Variants in CACNA1E observed in about 807,000 individuals in gnomAD.
CACNA1E encodes the protein voltage-dependent R-type calcium channel subunit alpha-1E.
CACNA1E carries 40 observed loss-of-function variants against 259.2 expected under a neutral mutation model. That is an observed-to-expected ratio of 0.15 (90% confidence interval 0.12 to 0.20). The LOEUF (loss-of-function observed/expected upper bound fraction) is 0.20, where lower values mean the gene tolerates loss of function less well. Ranked by LOEUF, CACNA1E falls within the 10% of genes least tolerant of loss-of-function variation. The pLI is 1.00. For synonymous variants in CACNA1E, 1,104 were observed against 1,138.5 expected (o/e 0.97, Z 0.61); for missense variants, 1,874 against 3,040.1 (o/e 0.62, Z 9.02).
chr1:181,797,270 A>T (rs1255483620), intron 47 of CACNA1E, among the ~76,000 whole-genome samples: 1 of 152,182 alleles, frequency 6.6e-6, no homozygotes, highest in Non-Finnish European at 1.5e-5. Flanking sequence ...GTTCACCCTC[A>T]TTTACCTAGC....
rs1169777039 is a variant in CACNA1E, at chr1:181,801,290, A to G, written c.*2456A>G. 1 of 152,636 alleles carries G rather than the reference A, an allele frequency of 6.6e-6. No homozygotes were observed. The highest frequency in any genetic ancestry group is 1.5e-5 in the Non-Finnish European group (1 of 68,030). 9.5% of individuals were successfully genotyped at this position (152,636 alleles called of 1,614,324 possible). On this transcript the variant is annotated 3_prime_UTR_variant, in exon 48 of 48. Coordinates refer to ENST00000367573, the MANE Select transcript of CACNA1E (RefSeq NM_001205293.3). The stretch of plus-strand genomic sequence containing the variant: ...AGGAGAAATGCAGGCTGGCAGAGCA[A>G]TTTCCAGAAATGGAATTTGCCTGCA...
intron 1 of CACNA1E, among the ~76,000 whole-genome samples, chr1:181,391,961 G>C (rs1469458917): frequency 1.3e-5 from 2 of 151,708 alleles, no homozygotes; most frequent in East Asian, 3.9e-4. Context: ...GTGTGTGTGT[G>C]TGTGTGTGTG....
At position 181,801,033 on chromosome 1, in the gene CACNA1E, A is replaced by G. The variant is rs1213859519; in HGVS notation, c.*2199A>G. On this transcript the variant is annotated 3_prime_UTR_variant, in exon 48 of 48. Coordinates refer to ENST00000367573, the MANE Select transcript of CACNA1E (RefSeq NM_001205293.3). ...ATCCTAACAGGTGTGATTGTTACGT[A>G]AGACGCTGATACTGGGCCTTGTATT... 1 of 152,662 alleles carries G rather than the reference A, an allele frequency of 6.6e-6. No homozygotes were observed. Among genetic ancestry groups the G allele is most frequent in the Non-Finnish European group, 1.5e-5 (1 of 68,050 alleles). The allele number at this position is 152,662 out of a possible 1,614,324, so 9.5% of individuals were successfully genotyped here.
chr1:181,759,321 G>C (rs574305651), intron 32 of CACNA1E, among the ~76,000 whole-genome samples: 2 of 152,110 alleles, frequency 1.3e-5, no homozygotes, highest in African/African-American at 4.8e-5. Flanking sequence ...GTAACATGAA[G>C]AGTAATTTCT....
intron 1 of CACNA1E, among the ~76,000 whole-genome samples, chr1:181,492,604 T>C (rs1664409932): frequency 6.6e-6 from 1 of 152,214 alleles, no homozygotes. Context: ...TTAGATTTAC[T>C]GGGCAAGTTC....
intron 35 of CACNA1E, among the ~76,000 whole-genome samples, chr1:181,769,861 A>G (rs1162667927): frequency 3.3e-5 from 5 of 152,234 alleles, no homozygotes; most frequent in Admixed American, 2.0e-4. Flanking sequence ...GATAAATGTC[A>G]GTGCCCTCCT....
At chr1:181,525,029 AT>A (rs1343388780) in intron 3 of CACNA1E, among the ~76,000 whole-genome samples, 1 of 152,254 alleles carries the variant, frequency 6.6e-6, no homozygotes, top group East Asian at 1.9e-4. Context: ...TTTGCTAAGT[AT>A]TGAGGCTAGA....
At chr1:181,516,699 T>A (rs572199866) in intron 3 of CACNA1E, among the ~76,000 whole-genome samples, 2 of 152,282 alleles carry the variant, frequency 1.3e-5, no homozygotes, top group South Asian at 4.1e-4. Flanking sequence ...TGGAGAAAAG[T>A]GTGTTATCCC....
At chr1:181,602,096 C>T (rs142603128) in intron 6 of CACNA1E, among the ~76,000 whole-genome samples, 108 of 152,334 alleles carry the variant, frequency 7.1e-4, no homozygotes, top group African/African-American at 2.6e-3. Context: ...CCTCCTCCTT[C>T]CCAGTACTCT....
chr1:181,683,030 A>G (rs955606136), intron 7 of CACNA1E, among the ~76,000 whole-genome samples: 3 of 152,138 alleles, frequency 2.0e-5, no homozygotes, highest in Non-Finnish European at 4.4e-5. Context: ...TACCTTCCCC[A>G]GTTCCTTCCA....
At chr1:181,458,797 C>T (rs1236574963) in intron 2 of CACNA1E, among the ~76,000 whole-genome samples, 1 of 152,076 alleles carries the variant, frequency 6.6e-6, no homozygotes, top group African/African-American at 2.4e-5. Flanking sequence ...CTACTTTTCA[C>T]ATGATACATT....
At chr1:181,728,278 G>GACA (rs1463623164) in intron 18 of CACNA1E, among the ~76,000 whole-genome samples, 1 of 152,184 alleles carries the variant, frequency 6.6e-6, no homozygotes, top group African/African-American at 2.4e-5. Flanking sequence ...TGTGAGTTGG[G>GACA]ACAACGCTTG....
upstream of CACNA1E, among the ~76,000 whole-genome samples, chr1:181,482,245 C>T (rs1008408554): frequency 6.6e-6 from 1 of 152,216 alleles, no homozygotes; most frequent in Non-Finnish European, 1.5e-5. Flanking sequence ...GCAAAGGCCC[C>T]GACACCTTAC....
intron 6 of CACNA1E, among the ~76,000 whole-genome samples, chr1:181,613,582 A>C (rs552877545): frequency 2.5e-4 from 38 of 152,264 alleles, no homozygotes; most frequent in African/African-American, 8.4e-4. Flanking sequence ...CTTATTGTAC[A>C]ACCAAAAGAC....
intron 46 of CACNA1E, among the ~76,000 whole-genome samples, chr1:181,795,686 C>T (rs1240871558): frequency 6.6e-6 from 1 of 150,862 alleles, no homozygotes; most frequent in Non-Finnish European, 1.5e-5. Context: ...ATGATCCGCC[C>T]GCGTAGGCCT....
chr1:181,758,141 G>T lies in CACNA1E; in HGVS notation c.4494+30G>T. On this transcript the variant is annotated intron_variant, in intron 31 of 47. Transcript: ENST00000367573. This position sits in a 1 kb window ranked among gnomAD's most constrained non-coding sequence, Gnocchi z 4.2. ...GAGGAGAGAGGCACAAGAGCCGACT[G>T]AGCCCCAGCGATGGTTCCCTCCCAG... 6.2e-7 allele frequency: 1 copy of T among 1,601,464 alleles called. No individual in the cohort carries two copies. Among genetic ancestry groups the T allele is most frequent in the South Asian group, 1.1e-5 (1 of 89,922 alleles).
At chr1:181,649,783 A>G (rs1242575906) in intron 6 of CACNA1E, among the ~76,000 whole-genome samples, 2 of 152,202 alleles carry the variant, frequency 1.3e-5, no homozygotes, top group Non-Finnish European at 2.9e-5. Flanking sequence ...GTTCTCACTT[A>G]TAGGTGGGGG....
intron 2 of CACNA1E, among the ~76,000 whole-genome samples, chr1:181,414,249 G>A (rs1394642022): frequency 6.6e-6 from 1 of 152,198 alleles, no homozygotes; most frequent in East Asian, 1.9e-4. Flanking sequence ...TCCTGTGGAT[G>A]CCGGAGTTTA....
chr1:181,717,241 C>T lies in CACNA1E; in HGVS notation c.1464C>T (p.Leu488=), dbSNP rs1263480808. The T allele has an allele frequency of 2.5e-6, 4 of 1,613,978 alleles. No individual in the cohort carries two copies. Among genetic ancestry groups the T allele is most frequent in the Non-Finnish European group, 3.4e-6 (4 of 1,179,888 alleles). Residue 488 remains leucine, a synonymous_variant, in exon 11 of 48, where the codon CTC becomes CTT. Transcript: ENST00000367573. ...GGATTGTGCTGAGCCTTGTGGCACT[C>T]AACACTGCCTGTGTGGCCATTGTCC... ...FYWIVLSLVA[L]NTACVAIVHH...
Sources: gnomAD v4.1 joint callset for allele counts (sites outside exome capture counted in the v4.1 genomes callset) on GRCh38, gnomAD v4.1.1 for gene constraint, Gnocchi (gnomAD v3.1) non-coding constraint, MANE v1.5 for transcripts, NCBI Gene and HGNC (gene_info 2026-07-23, HGNC 2026-07-21) for gene names.